The following LTBP1 variants were observed in gnomAD, a reference collection of about 807,000 sequenced individuals.
LTBP1 encodes the protein latent transforming growth factor beta binding protein 1.
In LTBP1, 129 loss-of-function variants were observed where a neutral mutation model predicts 207.6. The ratio of observed to expected loss-of-function variants is 0.62; its 90% confidence interval spans 0.54 to 0.72. The LOEUF (loss-of-function observed/expected upper bound fraction) is 0.72. Ranked by LOEUF, LTBP1 falls within the 30% of genes least tolerant of loss-of-function variation. The pLI, the probability that LTBP1 is intolerant of heterozygous loss-of-function variation, is 0.00. For synonymous variants in LTBP1, 963 were observed against 833.7 expected (o/e 1.16, Z -2.67); for missense variants, 2,281 against 2,217.2 (o/e 1.03, Z -0.58).
At chr2:33,299,132 G>C (rs1368336592) in intron 20 of LTBP1, among the ~76,000 whole-genome samples, 5 of 151,740 alleles carry the variant, frequency 3.3e-5, no homozygotes, top group African/African-American at 9.7e-5. Context: ...AAATGAGCTG[G>C]GCGGGAGGCT....
At chr2:33,209,883 C>G (rs998549886) in intron 7 of LTBP1, among the ~76,000 whole-genome samples, 1 of 152,190 alleles carries the variant, frequency 6.6e-6, no homozygotes, top group African/African-American at 2.4e-5. Context: ...TCTCAGTCCA[C>G]TCAAGAGCTC....
chr2:33,323,817 T>G (rs1016270536), intron 24 of LTBP1, among the ~76,000 whole-genome samples: 2 of 152,222 alleles, frequency 1.3e-5, no homozygotes, highest in Non-Finnish European at 2.9e-5. Context: ...TGTACACTTC[T>G]GTGAAGCCTT....
chr2:32,950,648 C>G (rs975182262), intron 2 of LTBP1, among the ~76,000 whole-genome samples: 1 of 151,848 alleles, frequency 6.6e-6, no homozygotes, highest in African/African-American at 2.4e-5. Context: ...AGAGAATTGC[C>G]TGTACCTGGG....
chr2:33,024,861 G>A (rs950036043), intron 3 of LTBP1, among the ~76,000 whole-genome samples: 1 of 152,332 alleles, frequency 6.6e-6, no homozygotes, highest in Middle Eastern at 3.4e-3. Flanking sequence ...CTGACAGTCT[G>A]TGTCAGGAAT....
chr2:33,315,124 G>T lies in LTBP1; in HGVS notation c.3605-20G>T. ...AAACCGATTTTTTTCAAGTTTTTAAGACTCTATTTTAAATTACAGATATTA... is the reference window on the plus strand; with the variant it reads ...AAACCGATTTTTTTCAAGTTTTTAATACTCTATTTTAAATTACAGATATTA... On this transcript the variant is annotated intron_variant, in intron 23 of 33. Transcript: ENST00000404816. 4 of 1,582,828 alleles carry T rather than the reference G, an allele frequency of 2.5e-6. No homozygotes were observed. The highest frequency in any genetic ancestry group is 3.4e-6 in the Non-Finnish European group (4 of 1,171,376).
At chr2:32,951,129 A>G (rs1452676188) in intron 2 of LTBP1, among the ~76,000 whole-genome samples, 2 of 152,240 alleles carry the variant, frequency 1.3e-5, no homozygotes, top group African/African-American at 4.8e-5. Flanking sequence ...ACCTACAACC[A>G]ATGCTTCCAG....
intron 5 of LTBP1, among the ~76,000 whole-genome samples, chr2:33,161,042 G>C (rs1487167618): frequency 6.6e-6 from 1 of 152,130 alleles, no homozygotes; most frequent in Non-Finnish European, 1.5e-5. Context: ...TAGACTTTGA[G>C]TATTGACTCT....
intron 7 of LTBP1, among the ~76,000 whole-genome samples, chr2:33,216,463 T>A (rs2090712737): frequency 6.6e-6 from 1 of 151,942 alleles, no homozygotes; most frequent in South Asian, 2.1e-4. Context: ...TTGCCTTAGG[T>A]GGGAATAGGA....
chr2:33,022,599 A>G lies in LTBP1; in HGVS notation c.863+1393A>G, dbSNP rs776658789. Among the ~76,000 whole-genome samples the G allele has an allele frequency of 7.2e-4, 109 of 152,344 alleles. 2 individuals carry two copies. The highest frequency in any genetic ancestry group is 3.5e-3 in the Admixed American group (54 of 15,300). On this transcript the variant is annotated intron_variant, in intron 3 of 33. Coordinates refer to ENST00000404816, the MANE Select transcript of LTBP1 (RefSeq NM_206943.4). ...ACAGAGTGGTTAAATAGTTTGTTCA[A>G]GGTCCCACAGTTACTAAGTGACAGT...
intron 18 of LTBP1, among the ~76,000 whole-genome samples, chr2:33,279,305 C>T (rs941838957): frequency 6.6e-6 from 1 of 151,874 alleles, no homozygotes; most frequent in African/African-American, 2.4e-5. Flanking sequence ...ATGCCTCAAG[C>T]TGTCGTAGTT....
At chr2:33,020,416 A>G (rs1229610319) in intron 2 of LTBP1, among the ~76,000 whole-genome samples, 1 of 152,180 alleles carries the variant, frequency 6.6e-6, no homozygotes, top group Non-Finnish European at 1.5e-5. Context: ...GCGTATATTT[A>G]AATTTAAGCC....
intron 3 of LTBP1, among the ~76,000 whole-genome samples, chr2:33,103,119 G>A (rs2079835406): frequency 6.7e-6 from 1 of 149,590 alleles, no homozygotes; most frequent in African/African-American, 2.5e-5. Flanking sequence ...TCTATGCTGT[G>A]TGCACTGTCT....
intron 5 of LTBP1, among the ~76,000 whole-genome samples, chr2:33,146,792 T>C (rs1214500332): frequency 1.3e-5 from 2 of 152,168 alleles, no homozygotes; most frequent in Non-Finnish European, 2.9e-5. Context: ...TGAGAACTCA[T>C]TGTCACAAGA....
At chr2:33,372,224 C>A (rs1283390627) in intron 31 of LTBP1, among the ~76,000 whole-genome samples, 1 of 152,198 alleles carries the variant, frequency 6.6e-6, no homozygotes, top group Non-Finnish European at 1.5e-5. Context: ...TACGTTCTAA[C>A]CTCTTCAGTG....
chr2:33,155,222 T>A (rs1366845122), intron 5 of LTBP1, among the ~76,000 whole-genome samples: 1 of 152,120 alleles, frequency 6.6e-6, no homozygotes, highest in Non-Finnish European at 1.5e-5. Flanking sequence ...CGCGCCACCA[T>A]GCCTGGCTAA....
intron 5 of LTBP1, among the ~76,000 whole-genome samples, chr2:33,138,902 A>T (rs1187681056): frequency 8.8e-6 from 1 of 113,218 alleles, no homozygotes; most frequent in South Asian, 3.1e-4. Flanking sequence ...TCTGTCGCCC[A>T]GGCTGGAGTG....
Position 33,300,499 on chromosome 2 carries a change from A to C in LTBP1, c.3284A>C (p.Lys1095Thr), listed in dbSNP as rs752550782. The C allele has an allele frequency of 6.2e-7, 1 of 1,613,730 alleles. No individual in the cohort carries two copies. The highest frequency in any genetic ancestry group is 1.7e-5 in the Admixed American group (1 of 59,996). ...QGNLCVNGQC[K>T]NTEGSFRCTC... ...AATCTATGTGTAAACGGGCAGTGCAAAAATACCGAGGGCTCCTTCAGGTGC... is the reference window on the plus strand; with the variant it reads ...AATCTATGTGTAAACGGGCAGTGCACAAATACCGAGGGCTCCTTCAGGTGC... The change falls in exon 21 of 34, where the codon AAA becomes ACA. Residue 1095 changes from lysine (K) to threonine (T), a missense_variant. Transcript: ENST00000404816.
At chr2:32,980,119 AC>A (rs142216417) in intron 2 of LTBP1, among the ~76,000 whole-genome samples, 5,962 of 151,916 alleles carry the variant, frequency 0.039, 189 homozygotes, top group Non-Finnish European at 0.067. Context: ...AATGCATTTA[AC>A]CACTCTTTGT....
At chr2:33,290,404 C>A (rs1573647766) in intron 19 of LTBP1, among the ~76,000 whole-genome samples, 1 of 152,286 alleles carries the variant, frequency 6.6e-6, no homozygotes, top group South Asian at 2.1e-4. Flanking sequence ...GCTATCATTA[C>A]CACCCAGGGC....
Sources: gnomAD v4.1 joint callset for allele counts (sites outside exome capture counted in the v4.1 genomes callset) on GRCh38, gnomAD v4.1.1 for gene constraint, MANE v1.5 for transcripts, NCBI Gene and HGNC (gene_info 2026-07-23, HGNC 2026-07-21) for gene names.